Variants in EXOSC10 observed in about 807,000 individuals in gnomAD.
EXOSC10 encodes the protein exosome complex component 10.
EXOSC10 carries 94 observed loss-of-function variants against 126.6 expected under a neutral mutation model. That is an observed-to-expected ratio of 0.74 (90% CI 0.63 to 0.88). The LOEUF is 0.88. Among genes scored for constraint, EXOSC10 ranks in the 40% least tolerant of loss-of-function variants. The probability of loss-of-function intolerance (pLI) is 0.00; values close to 1 mark genes in which losing one functional copy is unlikely to be tolerated. For synonymous variants in EXOSC10, 395 were observed against 400.8 expected (o/e 0.99, Z 0.17); for missense variants, 1,041 against 1,100.5 (o/e 0.95, Z 0.77).
chr1:11,072,280 A>G lies in EXOSC10; in HGVS notation c.2158-109T>C, dbSNP rs185746441. ...GCAGGTTAACCTAAGAAGTACACACATTCTAAGTCATAAATTTTCAAATCT... is the reference window on the plus strand; with the variant it reads ...GCAGGTTAACCTAAGAAGTACACACGTTCTAAGTCATAAATTTTCAAATCT... On this transcript the variant is annotated intron_variant, in intron 19 of 24. Coordinates refer to ENST00000376936, the MANE Select transcript of EXOSC10 (RefSeq NM_001001998.3). 11 of 705,216 alleles carry G rather than the reference A, an allele frequency of 1.6e-5. No homozygotes were observed. In the East Asian group the frequency reaches 2.5e-4, roughly 16 times the overall value. 43.7% of individuals were successfully genotyped at this position (705,216 alleles called of 1,614,324 possible).
In EXOSC10 at chr1:11,068,228, C is replaced by T. The variant is rs2100938360; in HGVS notation, c.2551-144G>A. 5.9e-6 allele frequency: 4 copies of T among 682,166 alleles called. No homozygotes were observed. In the East Asian group the frequency reaches 1.1e-4, roughly 19 times the overall value. The allele number at this position is 682,166 out of a possible 1,614,324, so 42.3% of individuals were successfully genotyped here. A position where few individuals can be genotyped will look rare whatever the true frequency, so the allele number is the denominator to read the frequency against. ...CCTGAGAGAGGATGTTTCTGTGTCT[C>T]TGAAGGCAAGGCCGCCAGGATGCGC... On this transcript the variant is annotated intron_variant, in intron 23 of 24. Coordinates refer to ENST00000376936, the MANE Select transcript of EXOSC10 (RefSeq NM_001001998.3).
intron 1 of EXOSC10, 178 bp downstream of exon 1, chr1:11,099,543 C>T: frequency 1.7e-6 from 1 of 586,760 alleles, no homozygotes; most frequent in Non-Finnish European, 2.8e-6. Context: ...CCTCAGTGTC[C>T]GTTTCCGAGG....
At chr1:11,069,244 T>TGTGTGTGTGTGTGTGTGTGAGAGAGA in intron 22 of EXOSC10, among the ~76,000 whole-genome samples, 1 of 116,826 alleles carries the variant, frequency 8.6e-6, no homozygotes, top group Non-Finnish European at 2.0e-5. Context: ...TGTGTGTGTG[T>TGTGTGTGTGTGTGTGTGTGAGAGAGA]GAGAGAGAGA....
At chr1:11,087,397 C>T in intron 9 of EXOSC10, 51 bp downstream of exon 9, 2 of 1,608,616 alleles carry the variant, frequency 1.2e-6, no homozygotes, top group Non-Finnish European at 1.7e-6. Flanking sequence ...CTGAAAAGCA[C>T]TAAAAATCTT....
intron 10 of EXOSC10, 62 bp from the exon 11 acceptor site, chr1:11,081,300 A>G (rs1258220713): frequency 1.9e-6 from 3 of 1,588,228 alleles, no homozygotes; most frequent in Admixed American, 3.4e-5. Flanking sequence ...CAATTTGTCT[A>G]TTCCTTGGGT....
intron 19 of EXOSC10, 106 bp from the exon 20 acceptor site, chr1:11,072,277 C>G (rs1639553237): frequency 1.3e-6 from 1 of 742,050 alleles, no homozygotes; most frequent in African/African-American, 1.7e-5. Context: ...AAGAAGTACA[C>G]ACATTCTAAG....
chr1:11,098,142 G>A lies in EXOSC10; in HGVS notation c.126C>T (p.Ser42=), dbSNP rs373540516. Reference sequence around the variant, plus strand: ...CAGATGCCTTGGTGACTGCCACCACGGACCCAAGAGCAAACTGTCAAAAAC... The same window carrying A: ...CAGATGCCTTGGTGACTGCCACCACAGACCCAAGAGCAAACTGTCAAAAAC... ...ADSFVKFALG[S]VVAVTKASGG... Residue 42 remains serine, a synonymous_variant, in exon 2 of 25, where the codon TCC becomes TCT. Coordinates refer to ENST00000376936, the MANE Select transcript of EXOSC10 (RefSeq NM_001001998.3). The A allele has an allele frequency of 3.7e-6, 6 of 1,606,630 alleles. No individual in the cohort carries two copies. The highest frequency in any genetic ancestry group is 4.2e-6 in the Non-Finnish European group (5 of 1,177,974).
intron 17 of EXOSC10, among the ~76,000 whole-genome samples, chr1:11,075,782 A>G (rs781702994): frequency 3.7e-5 from 5 of 134,376 alleles, no homozygotes; most frequent in Non-Finnish European, 6.2e-5. Context: ...TGAGCCCAGG[A>G]GGCAGAGGTT....
chr1:11,084,047 T>C (rs1640349483), intron 9 of EXOSC10, among the ~76,000 whole-genome samples: 1 of 152,214 alleles, frequency 6.6e-6, no homozygotes, highest in African/African-American at 2.4e-5. Flanking sequence ...TTTGGGTTGG[T>C]TCCAAGTCTT....
At chr1:11,083,562 C>CAA (rs35412224) in intron 9 of EXOSC10, among the ~76,000 whole-genome samples, 39 of 65,682 alleles carry the variant, frequency 5.9e-4, no homozygotes, top group South Asian at 1.3e-3. Flanking sequence ...AACTCCGTCT[C>CAA]AAAAAAAAAA....
intron 1 of EXOSC10, among the ~76,000 whole-genome samples, chr1:11,099,156 A>C (rs1471529802): frequency 6.6e-6 from 1 of 152,266 alleles, no homozygotes; most frequent in Non-Finnish European, 1.5e-5. Context: ...GCCTAGTTGT[A>C]CGTTTGCTCA....
At position 11,077,418 on chromosome 1, in the gene EXOSC10, G is replaced by A. The variant is rs372601184; in HGVS notation, c.1826C>T (p.Pro609Leu). The A allele has an allele frequency of 3.7e-6, 6 of 1,613,982 alleles. No individual in the cohort carries two copies. The highest frequency in any genetic ancestry group is 5.1e-6 in the Non-Finnish European group (6 of 1,180,000). ...CGGAGGGGCATGGGAGCAGTCGTGA[G>A]GTCCAAAGAGAACATTCTCCAATCT... ...AERLENVLFG[P>L]HDCSHAPPDG... The change falls in exon 16 of 25, where the codon CCT becomes CTT. Residue 609 changes from proline (P) to leucine (L), a missense_variant. Pro to Leu is a moderately conservative substitution (Grantham distance 98). Coordinates refer to ENST00000376936, the MANE Select transcript of EXOSC10 (RefSeq NM_001001998.3).
At chr1:11,074,957 G>T (rs1275172273) in intron 17 of EXOSC10, among the ~76,000 whole-genome samples, 2 of 152,128 alleles carry the variant, frequency 1.3e-5, no homozygotes, top group Non-Finnish European at 2.9e-5. Context: ...AATACAAGCA[G>T]ACCAAGGATC....
intron 19 of EXOSC10, 93 bp from the exon 20 acceptor site, chr1:11,072,264 C>T (rs1402215093): frequency 9.6e-6 from 8 of 832,920 alleles, no homozygotes; most frequent in Non-Finnish European, 1.6e-5. Flanking sequence ...GGCAGGTTAA[C>T]CTAAGAAGTA....
rs768609206 is a variant in EXOSC10 at position 11,081,254 on chromosome 1, A to G, written c.1281-16T>C. On this transcript the variant is annotated splice_polypyrimidine_tract_variant and intron_variant, in intron 10 of 24. Transcript: ENST00000376936. Reference sequence around the variant, plus strand: ...GGGCAGAGGGCTGGAATTGCAGAGGACAATGTTTTACTGATTGCCCCCAAG... The same window carrying G: ...GGGCAGAGGGCTGGAATTGCAGAGGGCAATGTTTTACTGATTGCCCCCAAG... 6.2e-7 allele frequency: 1 copy of G among 1,612,808 alleles called. No individual in the cohort carries two copies. The highest frequency in any genetic ancestry group is 1.3e-5 in the African/African-American group (1 of 75,030).
At chr1:11,095,211 C>CAAAAAAAAA (rs1222636613) in intron 3 of EXOSC10, among the ~76,000 whole-genome samples, 2 of 52,434 alleles carry the variant, frequency 3.8e-5, no homozygotes, top group African/African-American at 1.3e-4. Flanking sequence ...GACTCCGTCT[C>CAAAAAAAAA]AAAAAAAAAA....
Position 11,098,073 on chromosome 1 carries a change from A to C in EXOSC10, c.195T>G (p.Ser65Arg). 1 of 1,612,040 alleles carries C rather than the reference A, an allele frequency of 6.2e-7. No individual in the cohort carries two copies. The highest frequency in any genetic ancestry group is 8.5e-7 in the Non-Finnish European group (1 of 1,179,392). ...QFGDEYDFYR[S>R]FPGFQAFCET... is the part of the protein sequence containing the mutation. ...CGCAAAATGCTTGGAAGCCAGGAAAACTTCGGTAAAAATCATACTCATCGC... is the reference window on the plus strand; with the variant it reads ...CGCAAAATGCTTGGAAGCCAGGAAACCTTCGGTAAAAATCATACTCATCGC... The change falls in exon 2 of 25, where the codon AGT (serine) becomes AGG (arginine). Residue 65 changes from serine to arginine, a missense_variant. Physicochemically the swap from Ser to Arg is moderately radical, Grantham distance 110 (BLOSUM62 -1). This residue lies in a region of EXOSC10 where 645 missense variants were observed against 656.3 expected (regional missense o/e 0.98). Coordinates refer to ENST00000376936, the MANE Select transcript of EXOSC10 (RefSeq NM_001001998.3).
rs115976717 is a variant in EXOSC10, at chr1:11,073,948, T to C, written c.2143A>G (p.Thr715Ala). ...VSQAAKFDPSTKIYEISNRWK... is the reference protein window; with the variant it reads ...VSQAAKFDPSAKIYEISNRWK... ...AGTCCACTTACTTCATAGATTTTGG[T>C]TGATGGATCGAACTTCGCTGCCTGA... is the stretch of plus-strand genomic sequence containing the variant. Residue 715 changes from threonine (T) to alanine (A), a missense_variant, in exon 19 of 25, where the codon ACC (threonine) becomes GCC (alanine). Around this residue, in one of 3 missense-constraint regions of EXOSC10, gnomAD observed 388 missense variants for 415.2 expected, o/e 0.93. Coordinates refer to ENST00000376936, the MANE Select transcript of EXOSC10 (RefSeq NM_001001998.3). The C allele has an allele frequency of 3.3e-3, 5,330 of 1,612,758 alleles. 21 individuals are homozygous for C. The highest frequency in any genetic ancestry group is 4.1e-3 in the Non-Finnish European group (4,883 of 1,179,434).
Position 11,077,409 on chromosome 1 carries a change from C to T in EXOSC10, c.1835G>A (p.Cys612Tyr). The T allele has an allele frequency of 1.2e-6, 2 of 1,613,960 alleles. No individual in the cohort carries two copies. The highest frequency in any genetic ancestry group is 8.5e-7 in the Non-Finnish European group (1 of 1,179,896). The change falls in exon 16 of 25, where the codon TGC becomes TAC. Residue 612 changes from cysteine to tyrosine, a missense_variant. Physicochemically the swap from Cys to Tyr is radical, Grantham distance 194. This residue lies in a region of EXOSC10 where 388 missense variants were observed against 415.2 expected (regional missense o/e 0.93). Coordinates refer to ENST00000376936, the MANE Select transcript of EXOSC10 (RefSeq NM_001001998.3). The part of the protein sequence containing the change: ...LENVLFGPHD[C>Y]SHAPPDGYPI... ...ATAGCCATCCGGAGGGGCATGGGAG[C>T]AGTCGTGAGGTCCAAAGAGAACATT...
Sources: gnomAD v4.1 joint callset for allele counts (sites outside exome capture counted in the v4.1 genomes callset) on GRCh38, gnomAD v4.1.1 for gene constraint, gnomAD v4.1.1 regional missense constraint, MANE v1.5 for transcripts, NCBI Gene and HGNC (gene_info 2026-07-23, HGNC 2026-07-21) for gene names.